The following RAB8B variants were observed in gnomAD, a reference collection of about 807,000 sequenced individuals.
The protein encoded by RAB8B is RAB8B, member RAS oncogene family, also known as ras-related protein Rab-8B.
A neutral mutation model predicts 32.0 loss-of-function variants in RAB8B; 11 were observed. The observed-to-expected ratio is 0.34, with a 90% CI of 0.22 to 0.57. The LOEUF is 0.57. RAB8B is among the 20% of genes least tolerant of loss of function. The pLI, the probability that RAB8B is intolerant of heterozygous loss-of-function variation, is 0.86. For synonymous variants in RAB8B, 103 were observed against 89.6 expected (o/e 1.15, Z -0.85); for missense variants, 190 against 258.5 (o/e 0.73, Z 1.82).
At chr15:63,257,101 G>A (rs1045148636) in intron 5 of RAB8B, among the ~76,000 whole-genome samples, 1 of 152,056 alleles carries the variant, frequency 6.6e-6, no homozygotes, top group Non-Finnish European at 1.5e-5. Context: ...TTATGGGCAT[G>A]GGCATTTCTC....
At chr15:63,221,938 C>T (rs937104104) in intron 1 of RAB8B, among the ~76,000 whole-genome samples, 1 of 152,160 alleles carries the variant, frequency 6.6e-6, no homozygotes, top group African/African-American at 2.4e-5. Context: ...TTGCTTGTAA[C>T]AGTCACATAT....
intron 3 of RAB8B, among the ~76,000 whole-genome samples, chr15:63,253,258 C>T (rs1325750894): frequency 6.6e-6 from 1 of 152,056 alleles, no homozygotes; most frequent in Non-Finnish European, 1.5e-5. Context: ...CATCTAAAAT[C>T]CCACTACTCT....
At chr15:63,193,637 C>T (rs552523809) in intron 1 of RAB8B, among the ~76,000 whole-genome samples, 22 of 152,136 alleles carry the variant, frequency 1.4e-4, no homozygotes, top group African/African-American at 5.1e-4. Context: ...CGGTGAACCC[C>T]GTCTCTACTA....
intron 1 of RAB8B, among the ~76,000 whole-genome samples, chr15:63,239,125 CTTG>C (rs1014655297): frequency 2.0e-5 from 3 of 152,130 alleles, no homozygotes; most frequent in Admixed American, 6.5e-5. Context: ...CACCACTGGA[CTTG>C]TTGTAGATGA....
intron 1 of RAB8B, among the ~76,000 whole-genome samples, chr15:63,200,555 A>C (rs929842031): frequency 1.4e-4 from 21 of 152,060 alleles, no homozygotes; most frequent in Non-Finnish European, 2.8e-4. Context: ...TGGGAGGCCA[A>C]GGAGGGAGTA....
chr15:63,219,013 T>TTTTTA (rs2037818728), intron 1 of RAB8B, among the ~76,000 whole-genome samples: 1 of 64,664 alleles, frequency 1.5e-5, no homozygotes, highest in Non-Finnish European at 3.4e-5. Flanking sequence ...GATTTTTTTT[T>TTTTTA]TTTTTTTTTT....
intron 1 of RAB8B, among the ~76,000 whole-genome samples, chr15:63,212,732 T>C (rs756468127): frequency 6.6e-5 from 10 of 152,198 alleles, no homozygotes; most frequent in Non-Finnish European, 1.3e-4. Flanking sequence ...AAAACAGCTC[T>C]AGTGAATTGC....
intron 1 of RAB8B, among the ~76,000 whole-genome samples, chr15:63,197,442 C>T (rs1265353654): frequency 1.5e-5 from 2 of 131,036 alleles, no homozygotes; most frequent in African/African-American, 2.9e-5. Context: ...GGTGCAATCT[C>T]GGCTTGCTGC....
intron 1 of RAB8B, among the ~76,000 whole-genome samples, chr15:63,203,054 G>A (rs535110770): frequency 6.6e-6 from 1 of 152,346 alleles, no homozygotes; most frequent in South Asian, 2.1e-4. Context: ...AGGGCCTCTT[G>A]GAGGCAGGCC....
At chr15:63,237,370 C>T (rs1184851329) in intron 1 of RAB8B, among the ~76,000 whole-genome samples, 1 of 152,196 alleles carries the variant, frequency 6.6e-6, no homozygotes, top group African/African-American at 2.4e-5. Flanking sequence ...CAAGGGTTCC[C>T]TTTTCTCCAC....
At chr15:63,221,053 G>A (rs931973401) in intron 1 of RAB8B, among the ~76,000 whole-genome samples, 1 of 152,212 alleles carries the variant, frequency 6.6e-6, no homozygotes, top group Non-Finnish European at 1.5e-5. Context: ...GGAATAACTG[G>A]AGGACAGAGG....
intron 1 of RAB8B, among the ~76,000 whole-genome samples, chr15:63,231,866 C>A (rs2037939484): frequency 6.6e-6 from 1 of 152,212 alleles, no homozygotes; most frequent in African/African-American, 2.4e-5. Flanking sequence ...CATCTGTTCA[C>A]TGAGAATCTC....
At chr15:63,249,909 G>A (rs1391807390) in intron 3 of RAB8B, among the ~76,000 whole-genome samples, 1 of 152,082 alleles carries the variant, frequency 6.6e-6, no homozygotes, top group Non-Finnish European at 1.5e-5. Context: ...GGCCGAGGCG[G>A]GTGGATCATG....
chr15:63,193,814 A>AAC (rs2037578848), intron 1 of RAB8B, among the ~76,000 whole-genome samples: 1 of 151,630 alleles, frequency 6.6e-6, no homozygotes, highest in Non-Finnish European at 1.5e-5. Flanking sequence ...CCATCTCAAA[A>AAC]AACAACAACA....
At chr15:63,241,237 G>T (rs1402810239) in intron 1 of RAB8B, among the ~76,000 whole-genome samples, 1 of 152,138 alleles carries the variant, frequency 6.6e-6, no homozygotes, top group Non-Finnish European at 1.5e-5. Context: ...AGCTAGTCGC[G>T]AGGCTGAGGC....
In RAB8B at chr15:63,263,814, C is replaced by T. The variant is rs559121268; in HGVS notation, c.*195C>T. 8 of 505,808 alleles carry T rather than the reference C, an allele frequency of 1.6e-5. No homozygotes were observed. Among genetic ancestry groups the T allele is most frequent in the African/African-American group, 1.5e-4 (8 of 52,040 alleles). The allele number at this position is 505,808 out of a possible 1,614,324, so 31.3% of individuals were successfully genotyped here. On this transcript the variant is annotated 3_prime_UTR_variant, in exon 8 of 8. Transcript: ENST00000321437. ...AAAAGAACAGACTCCCTTTTTCAAACATGGAAGCAATGAAGTGGAGACACA... is the reference window on the plus strand; with the variant it reads ...AAAAGAACAGACTCCCTTTTTCAAATATGGAAGCAATGAAGTGGAGACACA...
At chr15:63,243,942 G>T (rs2038051627) in intron 1 of RAB8B, among the ~76,000 whole-genome samples, 1 of 152,164 alleles carries the variant, frequency 6.6e-6, no homozygotes, top group Non-Finnish European at 1.5e-5. Flanking sequence ...AGAAGAAAAT[G>T]TAGGAGGAGC....
chr15:63,197,216 A>G (rs982801441), intron 1 of RAB8B, among the ~76,000 whole-genome samples: 3 of 151,572 alleles, frequency 2.0e-5, no homozygotes, highest in East Asian at 1.9e-4. Flanking sequence ...CTGGAATAGC[A>G]TATGTCTATA....
chr15:63,210,453 A>G (rs1405801726), intron 1 of RAB8B, among the ~76,000 whole-genome samples: 6 of 152,150 alleles, frequency 3.9e-5, no homozygotes, highest in Non-Finnish European at 8.8e-5. Context: ...ATCTTTTGTT[A>G]CTGAGACTGA....
Sources: gnomAD v4.1 joint callset for allele counts (sites outside exome capture counted in the v4.1 genomes callset) on GRCh38, gnomAD v4.1.1 for gene constraint, MANE v1.5 for transcripts, NCBI Gene and HGNC (gene_info 2026-07-23, HGNC 2026-07-21) for gene names.